The following PCBD2 variants were observed in gnomAD, a reference collection of about 807,000 sequenced individuals.
PCBD2 encodes the protein pterin-4 alpha-carbinolamine dehydratase 2, also known as pterin-4-alpha-carbinolamine dehydratase 2.
A neutral mutation model predicts 16.4 loss-of-function variants in PCBD2; 12 were observed. That is an observed-to-expected ratio of 0.73 (90% CI 0.47 to 1.19). The LOEUF is 1.19. Ranked by LOEUF, PCBD2 falls within the 50% of genes most tolerant of loss-of-function variation. PCBD2 has a pLI of 0.00. For synonymous variants in PCBD2, 58 were observed against 61.8 expected (o/e 0.94, Z 0.29); for missense variants, 138 against 156.8 (o/e 0.88, Z 0.64).
At chr5:134,917,681 C>T (rs538612789) in intron 2 of PCBD2, among the ~76,000 whole-genome samples, 26 of 152,302 alleles carry the variant, frequency 1.7e-4, no homozygotes, top group Middle Eastern at 3.4e-3. Context: ...CTTTTGGTTG[C>T]TGTGCTGCTG....
chr5:134,935,315 G>T (rs1438344912), intron 2 of PCBD2, among the ~76,000 whole-genome samples: 1 of 152,182 alleles, frequency 6.6e-6, no homozygotes, highest in Non-Finnish European at 1.5e-5. Context: ...GAGTGGTTTG[G>T]GTTTGAAGAC....
intron 2 of PCBD2, among the ~76,000 whole-genome samples, chr5:134,936,394 G>C (rs1390557530): frequency 6.6e-6 from 1 of 152,152 alleles, no homozygotes; most frequent in Non-Finnish European, 1.5e-5. Context: ...CTCCTCAGTC[G>C]CACTGGACGC....
Position 134,905,151 on chromosome 5 carries a change from G to T in PCBD2, c.12G>T (p.Val4=). The T allele has an allele frequency of 8.2e-7, 1 of 1,220,870 alleles. No homozygotes were observed. The highest frequency in any genetic ancestry group is 1.0e-6 in the Non-Finnish European group (1 of 981,336). The allele number at this position is 1,220,870 out of a possible 1,614,324, so 75.6% of individuals were successfully genotyped here. A position where few individuals can be genotyped will look rare whatever the true frequency, so the allele number is the denominator to read the frequency against. The change falls in exon 1 of 4, where the codon GTG becomes GTT. Residue 4 remains valine, a synonymous_variant. Transcript: ENST00000254908. MAA[V]LGALGATRRL... ...TCGGCAGACGGCCAATGGCGGCGGTGCTCGGGGCGCTCGGGGCGACGCGGC... is the reference window on the plus strand; with the variant it reads ...TCGGCAGACGGCCAATGGCGGCGGTTCTCGGGGCGCTCGGGGCGACGCGGC...
chr5:134,926,581 C>A (rs72800367), intron 2 of PCBD2: 159,202 of 395,312 alleles, frequency 0.4, 32,487 homozygotes, highest in South Asian at 0.46. Context: ...AGTTCTTATG[C>A]GCTTTCTCGG....
chr5:134,957,887 C>T (rs1013206890), intron 2 of PCBD2, among the ~76,000 whole-genome samples: 1 of 152,160 alleles, frequency 6.6e-6, no homozygotes, highest in East Asian at 1.9e-4. Flanking sequence ...AACATGGAAA[C>T]TTTTATCCCA....
intron 2 of PCBD2, among the ~76,000 whole-genome samples, chr5:134,957,474 T>C (rs559357075): frequency 2.6e-5 from 4 of 152,170 alleles, no homozygotes; most frequent in Non-Finnish European, 5.9e-5. Flanking sequence ...ATACGTAGTT[T>C]AATGTGGGTT....
At chr5:134,926,671 C>T (rs748166141) in intron 2 of PCBD2, 10 of 396,544 alleles carry the variant, frequency 2.5e-5, no homozygotes, top group East Asian at 1.1e-4. Context: ...GAGGAAAACC[C>T]GGTAATGATA....
At chr5:134,944,054 T>C (rs1751263544) in intron 2 of PCBD2, among the ~76,000 whole-genome samples, 1 of 152,194 alleles carries the variant, frequency 6.6e-6, no homozygotes, top group Non-Finnish European at 1.5e-5. Context: ...GTTTTCCTCT[T>C]CCCCAACCAA....
intron 2 of PCBD2, among the ~76,000 whole-genome samples, chr5:134,913,790 A>G (rs528846921): frequency 1.6e-4 from 24 of 152,258 alleles, no homozygotes; most frequent in African/African-American, 5.5e-4. Flanking sequence ...GGTTCCACAT[A>G]TTTTGAAAGT....
intron 2 of PCBD2, among the ~76,000 whole-genome samples, chr5:134,942,946 CATAA>C (rs1242784026): frequency 3.3e-5 from 5 of 152,174 alleles, no homozygotes; most frequent in Admixed American, 6.5e-5. Context: ...AAATCAAATA[CATAA>C]ATAAAGTAAC....
intron 2 of PCBD2, among the ~76,000 whole-genome samples, chr5:134,943,645 CA>C (rs1751258211): frequency 6.6e-6 from 1 of 152,160 alleles, no homozygotes; most frequent in African/African-American, 2.4e-5. Context: ...CATTCCTGTA[CA>C]GAGACCCACA....
intron 2 of PCBD2, among the ~76,000 whole-genome samples, chr5:134,922,812 G>A (rs539383459): frequency 1.3e-5 from 2 of 152,096 alleles, no homozygotes; most frequent in East Asian, 3.9e-4. Flanking sequence ...ACAGGTGCCC[G>A]CCACCACGCC....
rs1751464853 is a variant in PCBD2, at chr5:134,960,704, A to T, written c.*23A>T. 2.0e-6 allele frequency: 3 copies of T among 1,537,280 alleles called. No individual in the cohort carries two copies. The highest frequency in any genetic ancestry group is 2.7e-6 in the Non-Finnish European group (3 of 1,112,350). ...TGATTTCTTCCAAAATACATGTAAA[A>T]TCTTGTACACATCTTAGCTGCAATG... On this transcript the variant is annotated 3_prime_UTR_variant, in exon 4 of 4. Transcript: ENST00000254908.
intron 2 of PCBD2, among the ~76,000 whole-genome samples, chr5:134,930,239 G>T (rs957584316): frequency 6.6e-6 from 1 of 152,112 alleles, no homozygotes; most frequent in Non-Finnish European, 1.5e-5. Context: ...GACTTGGATT[G>T]TACCTGTGTA....
chr5:134,925,723 A>C, intron 2 of PCBD2: 1 of 396,848 alleles, frequency 2.5e-6, no homozygotes, highest in Non-Finnish European at 4.4e-6. Context: ...TGAGTGGAGT[A>C]GGGCTGAGAC....
chr5:134,923,820 C>A, intron 2 of PCBD2: 2 of 393,972 alleles, frequency 5.1e-6, no homozygotes, highest in South Asian at 2.6e-4. Flanking sequence ...GCGGATGATT[C>A]AGCCATAATT....
At chr5:134,925,027 G>C (rs377685741) in intron 2 of PCBD2, 1 of 394,908 alleles carries the variant, frequency 2.5e-6, no homozygotes, top group African/African-American at 2.1e-5. Flanking sequence ...TGTCATTTGG[G>C]GGGTGGATGT....
chr5:134,923,198 A>C (rs1164246946), intron 2 of PCBD2: 1 of 152,594 alleles, frequency 6.6e-6, no homozygotes, highest in Non-Finnish European at 1.5e-5. Context: ...CAGGCAATCC[A>C]TACTGTTAGT....
chr5:134,923,840 G>C (rs77385160), intron 2 of PCBD2: 3 of 394,102 alleles, frequency 7.6e-6, no homozygotes, highest in Non-Finnish European at 1.3e-5. Flanking sequence ...TTACGTCTCG[G>C]GTGATATGGG....
Sources: gnomAD v4.1 joint callset for allele counts (sites outside exome capture counted in the v4.1 genomes callset) on GRCh38, gnomAD v4.1.1 for gene constraint, MANE v1.5 for transcripts, NCBI Gene and HGNC (gene_info 2026-07-23, HGNC 2026-07-21) for gene names.